Variants in NXF3 observed in about 807,000 individuals in gnomAD.
The protein encoded by NXF3 is nuclear RNA export factor 3, also known as TAP-like protein 3.
NXF3 carries 34 observed loss-of-function variants against 48.4 expected under a neutral mutation model. The observed-to-expected ratio is 0.70, with a 90% CI of 0.53 to 0.93. NXF3 has a LOEUF of 0.93. NXF3 is among the 40% of genes least tolerant of loss of function. The probability of loss-of-function intolerance (pLI) is 0.00; values close to 1 mark genes in which losing one functional copy is unlikely to be tolerated. For synonymous variants in NXF3, 132 were observed against 145.7 expected (o/e 0.91, Z 0.68); for missense variants, 359 against 406.1 (o/e 0.88, Z 1.00).
chrX:103,089,517 A>G (rs1013567058), intron 1 of NXF3, among the ~76,000 whole-genome samples: 12 of 112,474 alleles, frequency 1.1e-4, no homozygotes, highest in African/African-American at 3.9e-4. Flanking sequence ...GCATTTTAAT[A>G]TTGTAAACAT....
intron 9 of NXF3, 143 bp from the exon 10 acceptor site, chrX:103,080,755 A>T: frequency 1.9e-6 from 1 of 530,633 alleles, no homozygotes. Flanking sequence ...AGCCCTGGGC[A>T]GCATTGGGAG....
rs1921870793 is a variant in NXF3, at chrX:103,076,368, C to T, written c.1585-67G>A. The T allele has an allele frequency of 1.3e-5, 14 of 1,070,409 alleles. No individual in the cohort carries two copies. The South Asian group carries it at 2.4e-4, about 19-fold the overall frequency. The allele number at this position is 1,070,409 out of a possible 1,213,427, so 88.2% of individuals were successfully genotyped here. A position where few individuals can be genotyped will look rare whatever the true frequency, so the allele number is the denominator to read the frequency against. On this transcript the variant is annotated intron_variant, in intron 18 of 19. Coordinates refer to ENST00000395065, the MANE Select transcript of NXF3 (RefSeq NM_022052.2). ...GTGCAGACACTCTGACAATACAATG[C>T]CATTTCTTAATCTATGCAACAGAAA...
At chrX:103,090,730 T>C (rs1186393296) in intron 1 of NXF3, among the ~76,000 whole-genome samples, 2 of 111,827 alleles carry the variant, frequency 1.8e-5, no homozygotes, top group South Asian at 7.5e-4. Context: ...TTGCTTCTTT[T>C]ACCACAGGTG....
In NXF3 at chrX:103,079,793, C is replaced by A. The variant is rs775304910; in HGVS notation, c.1130G>T (p.Ser377Ile). The A allele has an allele frequency of 8.3e-7, 1 of 1,211,170 alleles. No individual in the cohort carries two copies. Among genetic ancestry groups the A allele is most frequent in the Admixed American group, 2.2e-5 (1 of 45,960 alleles). Residue 377 changes from serine (S) to isoleucine (I), a missense_variant, in exon 13 of 20, where the codon AGC (serine) becomes ATC (isoleucine). Ser to Ile is a moderately radical substitution (Grantham distance 142). Coordinates refer to ENST00000395065, the MANE Select transcript of NXF3 (RefSeq NM_022052.2). ...TGAGTCCTCAGGATTGAAGGGAATG[C>A]TCAGGGAGAAGCAGGCCTCATCGTG... Reference protein sequence around the residue: ...AYHDEACFSLSIPFNPEDSAP... With the variant: ...AYHDEACFSLIIPFNPEDSAP...
Position 103,075,960 on chromosome X carries a change from G to T in NXF3, c.*90C>A. 1 of 291,734 alleles carries T rather than the reference G, an allele frequency of 3.4e-6. No individual in the cohort carries two copies. Among genetic ancestry groups the T allele is most frequent in the South Asian group, 9.6e-5 (1 of 10,381 alleles). The allele number at this position is 291,734 out of a possible 1,213,427, so 24.0% of individuals were successfully genotyped here. On this transcript the variant is annotated 3_prime_UTR_variant, in exon 20 of 20. Transcript: ENST00000395065. ...CTGTGAGTTGGGCTTCGGCTTCTTA[G>T]CCCCAGCCAGATCTCCTGGTTCAGT... is the stretch of plus-strand genomic sequence containing the variant.
intron 4 of NXF3, 47 bp downstream of exon 4, chrX:103,083,562 C>G (rs1036210302): frequency 8.5e-7 from 1 of 1,170,347 alleles, no homozygotes; most frequent in Admixed American, 2.2e-5. Flanking sequence ...TCATCCAGCC[C>G]CCAACCTGTC....
At chrX:103,078,776 G>T in intron 16 of NXF3, 144 bp from the exon 17 acceptor site, 1 of 926,838 alleles carries the variant, frequency 1.1e-6, no homozygotes, top group Non-Finnish European at 1.5e-6. Context: ...AGGCGGATGT[G>T]GTAGGAATGG....
At position 103,093,020 on chromosome X, in the gene NXF3, A is replaced by G. The variant is rs1457377092; in HGVS notation, c.4T>C (p.Ser2Pro). The change falls in exon 1 of 20, where the codon TCA becomes CCA. Residue 2 changes from serine to proline, a missense_variant. Physicochemically the swap from Ser to Pro is moderately conservative, Grantham distance 74. Coordinates refer to ENST00000395065, the MANE Select transcript of NXF3 (RefSeq NM_022052.2). ...CCCGTAGTGTGTCCTGAAGGCAGTG[A>G]CATTTTACCAATGTCCTTATAGGGC... Reference protein sequence around the residue: MSLPSGHTTGHT... With the variant: MPLPSGHTTGHT... The G allele has an allele frequency of 8.3e-7, 1 of 1,206,817 alleles. No homozygotes were observed. The highest frequency in any genetic ancestry group is 1.7e-5 in the African/African-American group (1 of 57,235).
At chrX:103,082,712 A>G (rs1274759979) in intron 8 of NXF3, 48 bp downstream of exon 8, 1 of 1,041,455 alleles carries the variant, frequency 9.6e-7, no homozygotes, top group Non-Finnish European at 1.3e-6. Context: ...CTCCTAGCTA[A>G]TCTCTTCCAC....
Position 103,083,063 on chromosome X carries a change from T to C in NXF3, c.632A>G (p.Asn211Ser). The change falls in exon 7 of 20, where the codon AAC (asparagine) becomes AGC (serine). Residue 211 changes from asparagine to serine, a missense_variant. By Grantham distance (46) the Asn-to-Ser change is conservative. Transcript: ENST00000395065. ...TTCCTGGGAGACATCACACTGTTGGTTCATGGCCAGCTGCAGAGTTAGAGA... is the reference window on the plus strand; with the variant it reads ...TTCCTGGGAGACATCACACTGTTGGCTCATGGCCAGCTGCAGAGTTAGAGA... ...EKVEQIKLAMNQQCDVSQEAL... is the reference protein window; with the variant it reads ...EKVEQIKLAMSQQCDVSQEAL... 1 of 1,211,061 alleles carries C rather than the reference T, an allele frequency of 8.3e-7. No homozygotes were observed.
chrX:103,076,737 A>G (rs947318008), intron 18 of NXF3, among the ~76,000 whole-genome samples: 1 of 108,817 alleles, frequency 9.2e-6, no homozygotes, highest in African/African-American at 3.4e-5. Context: ...TTACAGGTAC[A>G]GTCACCCCCC....
At chrX:103,084,054 G>C (rs1326732600) in intron 3 of NXF3, among the ~76,000 whole-genome samples, 1 of 111,130 alleles carries the variant, frequency 9.0e-6, no homozygotes, top group Non-Finnish European at 1.9e-5. Context: ...CACACACTTA[G>C]TTTGAGCTAA....
At position 103,079,765 on chromosome X, in the gene NXF3, G is replaced by A; in HGVS notation, c.1158C>T (p.Ala386=). 8.3e-7 allele frequency: 1 copy of A among 1,208,676 alleles called. No homozygotes were observed. The highest frequency in any genetic ancestry group is 1.1e-6 in the Non-Finnish European group (1 of 892,944). The change falls in exon 13 of 20, where the codon GCC becomes GCT. Residue 386 remains alanine (A), a splice_region_variant and synonymous_variant. Coordinates refer to ENST00000395065, the MANE Select transcript of NXF3 (RefSeq NM_022052.2). ...AGGGTCGGAGCTGTGATACTCACGG[G>A]GCTGAGTCCTCAGGATTGAAGGGAA... ...LSIPFNPEDS[A]PSSFCKFFKD... is the part of the protein sequence containing the mutation.
intron 1 of NXF3, among the ~76,000 whole-genome samples, chrX:103,085,266 T>A (rs1922116785): frequency 8.9e-6 from 1 of 111,872 alleles, no homozygotes; most frequent in South Asian, 3.7e-4. Flanking sequence ...AGATGAGTGT[T>A]GGGGAACATT....
chrX:103,089,121 C>A, intron 1 of NXF3: 1 of 869,155 alleles, frequency 1.2e-6, no homozygotes, highest in Non-Finnish European at 1.7e-6. Flanking sequence ...TCCATCTATA[C>A]TGGAAAAACA....
In NXF3 at chrX:103,082,808, T is replaced by C. The variant is rs1460314794; in HGVS notation, c.732A>G (p.Arg244=). 8.3e-7 allele frequency: 1 copy of C among 1,208,825 alleles called. No individual in the cohort carries two copies. Among genetic ancestry groups the C allele is most frequent in the Non-Finnish European group, 1.1e-6 (1 of 894,308 alleles). ...CGTCCAGGGAGGCAGCCATGCACTTTCTAGGATTCGATGCCATCTTAGTAT... is the reference window on the plus strand; with the variant it reads ...CGTCCAGGGAGGCAGCCATGCACTTCCTAGGATTCGATGCCATCTTAGTAT... ...NRDTKMASNP[R]KCMAASLDVH... is the part of the protein sequence containing the mutation. Residue 244 remains arginine (R), a synonymous_variant, in exon 8 of 20, where the codon AGA becomes AGG. Coordinates refer to ENST00000395065, the MANE Select transcript of NXF3 (RefSeq NM_022052.2).
intron 18 of NXF3, among the ~76,000 whole-genome samples, chrX:103,077,404 C>T (rs893853172): frequency 5.4e-5 from 6 of 110,354 alleles, no homozygotes; most frequent in Non-Finnish European, 1.1e-4. Context: ...GCGCCCGCCA[C>T]CACGCCCAGC....
At position 103,088,209 on chromosome X, in the gene NXF3, G is replaced by A. The variant is rs369793187; in HGVS notation, c.29-3326C>T. ...TAAAACCATTGTTAAAAAAAATATT[G>A]GCCAAGCTTAAACGTGCTAGGAGTA... is the stretch of plus-strand genomic sequence containing the variant. On this transcript the variant is annotated intron_variant, in intron 1 of 19. Coordinates refer to ENST00000395065, the MANE Select transcript of NXF3 (RefSeq NM_022052.2). 6.6e-6 allele frequency: 6 copies of A among 907,751 alleles called. No individual in the cohort carries two copies. In the African/African-American group the frequency reaches 9.8e-5, roughly 15 times the overall value. The allele number at this position is 907,751 out of a possible 1,213,427, so 74.8% of individuals were successfully genotyped here. A position where few individuals can be genotyped will look rare whatever the true frequency, so the allele number is the denominator to read the frequency against.
chrX:103,084,661 T>A, intron 2 of NXF3, 54 bp downstream of exon 2: 2 of 1,163,185 alleles, frequency 1.7e-6, no homozygotes, highest in Admixed American at 4.4e-5. Flanking sequence ...AGCTACAGAG[T>A]TATGTATTTC....
Sources: allele counts gnomAD v4.1 joint callset (sites outside exome capture counted in the v4.1 genomes callset), GRCh38; gene constraint gnomAD v4.1.1; transcripts MANE v1.5; gene names NCBI Gene and HGNC (gene_info 2026-07-23, HGNC 2026-07-21).